CCDC148: variants seen among roughly 807,000 people sequenced by gnomAD.
CCDC148 encodes coiled-coil domain containing 148.
A neutral mutation model predicts 85.7 loss-of-function variants in CCDC148; 89 were observed. That is an observed-to-expected ratio of 1.04 (90% CI 0.87 to 1.24). The LOEUF is 1.24. CCDC148 is among the 50% of genes most tolerant of loss of function. The pLI, the probability that CCDC148 is intolerant of heterozygous loss-of-function variation, is 0.00. For missense variants in CCDC148, 692 were observed against 671.7 expected (o/e 1.03, Z -0.33); for synonymous variants, 230 against 213.9 (o/e 1.08, Z -0.66).
chr2:158,446,003 A>G (rs558801454), intron 1 of CCDC148, among the ~76,000 whole-genome samples: 2 of 152,302 alleles, frequency 1.3e-5, no homozygotes, highest in South Asian at 4.1e-4. Context: ...ACTGGAAAAA[A>G]TATGGAAGAA....
At chr2:158,438,356 C>T (rs181536947) in intron 1 of CCDC148, among the ~76,000 whole-genome samples, 2 of 152,022 alleles carry the variant, frequency 1.3e-5, no homozygotes, top group African/African-American at 4.8e-5. Context: ...ACAAACCTGA[C>T]AAAAACAAGA....
At chr2:158,411,416 A>C (rs6711808) in intron 1 of CCDC148, among the ~76,000 whole-genome samples, 26,852 of 151,872 alleles carry the variant, frequency 0.18, 3,102 homozygotes, top group Non-Finnish European at 0.25. Context: ...AAATAGTTTC[A>C]AGTAACTTGT....
chr2:158,375,719 G>A (rs1221966512), intron 1 of CCDC148, among the ~76,000 whole-genome samples: 7 of 152,102 alleles, frequency 4.6e-5, no homozygotes, highest in Non-Finnish European at 8.8e-5. Context: ...CTAGAGAGAG[G>A]TCTGCTGGGA....
At chr2:158,197,635 A>G (rs183438414) in intron 11 of CCDC148, among the ~76,000 whole-genome samples, 5 of 152,240 alleles carry the variant, frequency 3.3e-5, no homozygotes, top group African/African-American at 1.2e-4. Context: ...AACTTCCCCT[A>G]ATACTTCATG....
rs186786116 is a variant in CCDC148, at chr2:158,171,157, C to T, written c.*956G>A. On this transcript the variant is annotated 3_prime_UTR_variant, in exon 14 of 14. Transcript: ENST00000283233. ...GGGGACAATCATAAAGTCAAAGATT[C>T]CACTAGTTGGATTGGGCTTTTTTTT... 1 of 143,058 alleles carries T rather than the reference C, an allele frequency of 7.0e-6. No individual in the cohort carries two copies. Among genetic ancestry groups the T allele is most frequent in the East Asian group, 2.0e-4 (1 of 5,000 alleles). The allele number at this position is 143,058 out of a possible 1,614,324, so 8.9% of individuals were successfully genotyped here.
At chr2:158,347,839 T>G (rs1207848615) in intron 2 of CCDC148, among the ~76,000 whole-genome samples, 1 of 152,146 alleles carries the variant, frequency 6.6e-6, no homozygotes, top group Non-Finnish European at 1.5e-5. Flanking sequence ...CTGGGACGTA[T>G]GTTTGAGATA....
chr2:158,442,688 T>C (rs902762082), intron 1 of CCDC148, among the ~76,000 whole-genome samples: 4 of 152,236 alleles, frequency 2.6e-5, no homozygotes, highest in African/African-American at 9.6e-5. Context: ...CATGCAGTGT[T>C]GTTCCCCTGC....
At chr2:158,327,030 T>C (rs1692811704) in intron 7 of CCDC148, among the ~76,000 whole-genome samples, 1 of 152,186 alleles carries the variant, frequency 6.6e-6, no homozygotes, top group Non-Finnish European at 1.5e-5. Flanking sequence ...ATATATTCTG[T>C]GTATGTACAA....
At chr2:158,204,135 A>C (rs1246311179) in intron 11 of CCDC148, among the ~76,000 whole-genome samples, 1 of 152,190 alleles carries the variant, frequency 6.6e-6, no homozygotes, top group Non-Finnish European at 1.5e-5. Flanking sequence ...CCAGATACAA[A>C]GGTAGGATGG....
chr2:158,382,695 G>C (rs1684923911), intron 1 of CCDC148, among the ~76,000 whole-genome samples: 1 of 152,042 alleles, frequency 6.6e-6, no homozygotes. Context: ...TGGATCACGA[G>C]GTCAGGAGTT....
intron 2 of CCDC148, among the ~76,000 whole-genome samples, chr2:158,357,264 C>T (rs1683706006): frequency 6.7e-6 from 1 of 150,074 alleles, no homozygotes; most frequent in African/African-American, 2.5e-5. Context: ...AAAAAAATAA[C>T]ATAGCCTGGG....
At chr2:158,406,623 T>TCTGTTTTTG (rs372903099) in intron 1 of CCDC148, among the ~76,000 whole-genome samples, 10 of 102,860 alleles carry the variant, frequency 9.7e-5, no homozygotes, top group East Asian at 5.1e-4. Flanking sequence ...CTTTTTTTTT[T>TCTGTTTTTG]TTTTTTTTTT....
rs781027507 is a variant in CCDC148 at position 158,250,797 on chromosome 2, A to G, written c.1226T>C (p.Leu409Ser). Residue 409 changes from leucine to serine, a missense_variant, in exon 10 of 14, where the codon TTG becomes TCG. By Grantham distance (145) the Leu-to-Ser change is moderately radical. Coordinates refer to ENST00000283233, the MANE Select transcript of CCDC148 (RefSeq NM_138803.4). ...TTTTTTTTTCTTCTCTGCTCTTTGC[A>G]ACAATTCCTTCTTCTTCCACAGTTT... ...KEKLWKKKEL[L>S]QRAEKKKKIK... is the part of the protein sequence containing the mutation. The G allele has an allele frequency of 5.0e-6, 8 of 1,589,572 alleles. No individual in the cohort carries two copies. Among genetic ancestry groups the G allele is most frequent in the Non-Finnish European group, 6.8e-6 (8 of 1,169,692 alleles).
Position 158,456,501 on chromosome 2 carries a change from C to T in CCDC148, c.-62G>A, listed in dbSNP as rs1688751855. On this transcript the variant is annotated 5_prime_UTR_variant, in exon 1 of 14. The change creates a new upstream start codon in the 5' untranslated region. Transcript: ENST00000283233. ...AAACGCAGGAAAAGTGAAACGCCCA[C>T]TCCTGGGCTCTCGCCGTCAGGGGTA... 1.3e-6 allele frequency: 2 copies of T among 1,576,128 alleles called. No homozygotes were observed. The highest frequency in any genetic ancestry group is 1.4e-5 in the African/African-American group (1 of 74,050).
intron 1 of CCDC148, chr2:158,365,893 A>T: frequency 1.5e-6 from 1 of 664,570 alleles, no homozygotes; most frequent in South Asian, 2.4e-5. Flanking sequence ...CATTCAATGT[A>T]ACCAGAAAGT....
chr2:158,226,975 G>A (rs1442772479), intron 10 of CCDC148, among the ~76,000 whole-genome samples: 1 of 152,118 alleles, frequency 6.6e-6, no homozygotes, highest in Non-Finnish European at 1.5e-5. Flanking sequence ...GCAGGAGAAG[G>A]AAATAAAGGG....
intron 11 of CCDC148, among the ~76,000 whole-genome samples, chr2:158,182,980 GA>G (rs1027467315): frequency 6.6e-6 from 1 of 152,152 alleles, no homozygotes; most frequent in Non-Finnish European, 1.5e-5. Context: ...CTGTTGCTAT[GA>G]AAGTCAATGT....
chr2:158,428,029 C>T (rs1463491948), intron 1 of CCDC148, among the ~76,000 whole-genome samples: 1 of 152,024 alleles, frequency 6.6e-6, no homozygotes, highest in Non-Finnish European at 1.5e-5. Flanking sequence ...GAGTCTTTAT[C>T]CTAAAATCAA....
At chr2:158,345,173 T>C (rs144851511) in intron 3 of CCDC148, 42 bp downstream of exon 3, 9 of 1,348,200 alleles carry the variant, frequency 6.7e-6, no homozygotes, top group Non-Finnish European at 8.5e-6. Context: ...GTGCTATTCC[T>C]AGTAATTCCT....
Sources: allele counts gnomAD v4.1 joint callset (sites outside exome capture counted in the v4.1 genomes callset), GRCh38; gene constraint gnomAD v4.1.1; transcripts MANE v1.5; gene names NCBI Gene and HGNC (gene_info 2026-07-23, HGNC 2026-07-21).